LGR5: variants seen among roughly 807,000 people sequenced by gnomAD.
LGR5 encodes the protein leucine-rich repeat-containing G protein-coupled receptor 5.
LGR5 carries 54 observed loss-of-function variants against 76.7 expected under a neutral mutation model. The observed-to-expected ratio is 0.70, with a 90% CI of 0.57 to 0.88. LGR5 has a LOEUF of 0.88. LGR5 is among the 40% of genes least tolerant of loss of function. The probability of loss-of-function intolerance (pLI) is 0.00; values close to 1 mark genes in which losing one functional copy is unlikely to be tolerated. For missense variants in LGR5, 1,078 were observed against 1,073.3 expected, an observed-to-expected ratio of 1.00 and a Z score of -0.06; for synonymous variants, 406 against 421.9, an observed-to-expected ratio of 0.96 and a Z score of 0.46.
Position 71,553,295 on chromosome 12 carries a change from T to C in LGR5, c.644+7T>C, listed in dbSNP as rs753169893. 4.3e-6 allele frequency: 7 copies of C among 1,609,320 alleles called. No homozygotes were observed. The South Asian group carries it at 7.7e-5, about 18-fold the overall frequency. On this transcript the variant is annotated splice_region_variant and intron_variant, in intron 5 of 17. Transcript: ENST00000266674. ...TCTCCAGCTTGGTAGTTCTGTAAGT[T>C]TTATTGATTTTGCTCTCTTTTAACA...
In LGR5 at chr12:71,553,124, C is replaced by A. The variant is rs771508671; in HGVS notation, c.480C>A (p.Gly160=). The change falls in exon 5 of 18, where the codon GGC becomes GGA. Residue 160 remains glycine, a synonymous_variant. Transcript: ENST00000266674. The stretch of plus-strand genomic sequence containing the variant: ...ATGTGCCCCCAAGCTGTTTCAGTGG[C>A]CTGCATTCCCTGAGGCACCTGTGGC... ...ISYVPPSCFS[G]LHSLRHLWLD... 2.5e-6 allele frequency: 4 copies of A among 1,613,886 alleles called. No homozygotes were observed. In the African/African-American group the frequency reaches 5.3e-5, roughly 22 times the overall value.
intron 17 of LGR5, 113 bp downstream of exon 17, chr12:71,582,652 A>C: frequency 1.3e-6 from 1 of 743,674 alleles, no homozygotes; most frequent in Non-Finnish European, 2.4e-6. Flanking sequence ...TTTGCAGCTC[A>C]TCAGTAACCC....
At chr12:71,565,684 T>TCCTC (rs1447303185) in intron 8 of LGR5, among the ~76,000 whole-genome samples, 5 of 151,050 alleles carry the variant, frequency 3.3e-5, no homozygotes, top group African/African-American at 1.2e-4. Flanking sequence ...AATCTTTAAA[T>TCCTC]CCTCACATAC....
At chr12:71,454,703 G>A (rs758344134) in intron 1 of LGR5, among the ~76,000 whole-genome samples, 2 of 151,908 alleles carry the variant, frequency 1.3e-5, no homozygotes, top group Non-Finnish European at 2.9e-5. Context: ...CTCCACTGTG[G>A]AGCTGGCTCA....
chr12:71,519,845 T>A (rs1217817398), intron 2 of LGR5, among the ~76,000 whole-genome samples: 5 of 149,516 alleles, frequency 3.3e-5, no homozygotes, highest in Admixed American at 2.0e-4. Context: ...TAATAATAAA[T>A]AAATATAAAA....
At chr12:71,447,852 G>A (rs922721799) in intron 1 of LGR5, among the ~76,000 whole-genome samples, 2 of 152,178 alleles carry the variant, frequency 1.3e-5, no homozygotes, top group African/African-American at 2.4e-5. Context: ...GAAGACAATC[G>A]TCCTGGCAAA....
At chr12:71,489,829 G>A (rs1437282751) in intron 1 of LGR5, among the ~76,000 whole-genome samples, 3 of 152,176 alleles carry the variant, frequency 2.0e-5, no homozygotes, top group Non-Finnish European at 4.4e-5. Context: ...TTGGGAGACT[G>A]AGGTGGGAGT....
intron 1 of LGR5, among the ~76,000 whole-genome samples, chr12:71,472,617 G>A (rs1873149534): frequency 6.6e-6 from 1 of 152,234 alleles, no homozygotes; most frequent in African/African-American, 2.4e-5. Flanking sequence ...TCTTGTGTGA[G>A]ATTTTACAAG....
chr12:71,583,512 C>T (rs1404569431), intron 17 of LGR5, 135 bp from the exon 18 acceptor site: 2 of 983,954 alleles, frequency 2.0e-6, no homozygotes, highest in Admixed American at 2.3e-5. Flanking sequence ...GGAGCATGCA[C>T]ATGGGCACTG....
chr12:71,507,586 T>C (rs748403106), intron 2 of LGR5, among the ~76,000 whole-genome samples: 6 of 152,184 alleles, frequency 3.9e-5, no homozygotes, highest in Non-Finnish European at 7.4e-5. Context: ...ATTTCACCAA[T>C]CTAGCATTGT....
In LGR5 at chr12:71,580,191, T is replaced by G. The variant is rs904252247; in HGVS notation, c.1407-87T>G. 4 of 1,263,774 alleles carry G rather than the reference T, an allele frequency of 3.2e-6. No homozygotes were observed. In the African/African-American group the frequency reaches 6.0e-5, roughly 19 times the overall value. The allele number at this position is 1,263,774 out of a possible 1,614,324, so 78.3% of individuals were successfully genotyped here. ...ATTTATTTAGGCTAAAATCCAAAGG[T>G]AGAATAATTGGGTGAAAGAACATGA... On this transcript the variant is annotated intron_variant, in intron 15 of 17. Transcript: ENST00000266674.
intron 14 of LGR5, among the ~76,000 whole-genome samples, chr12:71,578,224 T>G (rs1256858687): frequency 6.6e-6 from 1 of 152,202 alleles, no homozygotes; most frequent in Non-Finnish European, 1.5e-5. Context: ...TTCTCATTAT[T>G]CAGCTGAAGT....
At chr12:71,451,838 G>A (rs1170910346) in intron 1 of LGR5, among the ~76,000 whole-genome samples, 1 of 152,080 alleles carries the variant, frequency 6.6e-6, no homozygotes, top group Non-Finnish European at 1.5e-5. Context: ...GGAATTCCTG[G>A]AGATAGCAAA....
intron 1 of LGR5, among the ~76,000 whole-genome samples, chr12:71,461,009 C>T (rs1872664499): frequency 6.6e-6 from 1 of 152,170 alleles, no homozygotes; most frequent in Non-Finnish European, 1.5e-5. Context: ...GACAGATCTT[C>T]CCAGGAATTG....
At chr12:71,569,532 A>G (rs1345816657) in intron 11 of LGR5, among the ~76,000 whole-genome samples, 2 of 152,170 alleles carry the variant, frequency 1.3e-5, no homozygotes, top group Non-Finnish European at 1.5e-5. Flanking sequence ...AAAGACATAC[A>G]TGCAGCCAAC....
At position 71,566,701 on chromosome 12, in the gene LGR5, G is replaced by GT. The variant is rs1224685919; in HGVS notation, c.998+2dup. ...CTGGAACTGCAAACCTGGAGAGTCT[G>GT]TAAGTACTGAGTAGACTCTTGACTT... On this transcript the variant is annotated splice_donor_variant, in intron 10 of 17. Transcript: ENST00000266674. LOFTEE classifies it high-confidence loss of function. The GT allele has an allele frequency of 6.2e-7, 1 of 1,610,670 alleles. No homozygotes were observed. Among genetic ancestry groups the GT allele is most frequent in the Non-Finnish European group, 8.5e-7 (1 of 1,176,948 alleles).
chr12:71,553,362 C>A, intron 5 of LGR5, 74 bp downstream of exon 5: 2 of 1,235,652 alleles, frequency 1.6e-6, no homozygotes, highest in Non-Finnish European at 2.4e-6. Flanking sequence ...AAAATGCTGG[C>A]TCTTCAAAGC....
At chr12:71,488,247 C>T (rs1182393389) in intron 1 of LGR5, among the ~76,000 whole-genome samples, 1 of 152,106 alleles carries the variant, frequency 6.6e-6, no homozygotes, top group Admixed American at 6.5e-5. Context: ...AGTCTTTAGC[C>T]AATGGAAAAT....
intron 1 of LGR5, among the ~76,000 whole-genome samples, chr12:71,468,343 A>G (rs1280727514): frequency 6.6e-6 from 1 of 151,994 alleles, no homozygotes; most frequent in East Asian, 1.9e-4. Flanking sequence ...GAATGTCTCT[A>G]CCCAAAGCTT....
Sources: gnomAD v4.1 joint callset for allele counts (sites outside exome capture counted in the v4.1 genomes callset) on GRCh38, gnomAD v4.1.1 for gene constraint, MANE v1.5 for transcripts, NCBI Gene and HGNC (gene_info 2026-07-23, HGNC 2026-07-21) for gene names.